SMIM14: variants seen among roughly 807,000 people sequenced by gnomAD.
SMIM14 encodes chromosome 4 open reading frame 34.
Under a neutral mutation model 12.6 loss-of-function variants are expected in SMIM14, and 5 were observed. That is an observed-to-expected ratio of 0.40 (90% CI 0.21 to 0.83). The LOEUF is 0.83. SMIM14 is among the 40% of genes least tolerant of loss of function. The pLI is 0.37. For missense variants in SMIM14, 86 were observed against 119.1 expected, an observed-to-expected ratio of 0.72 and a Z score of 1.29; for synonymous variants, 30 against 40.1, an observed-to-expected ratio of 0.75 and a Z score of 0.95.
chr4:39,604,666 A>G (rs1382671316), intron 2 of SMIM14, among the ~76,000 whole-genome samples: 3 of 151,422 alleles, frequency 2.0e-5, no homozygotes, highest in African/African-American at 7.3e-5. Flanking sequence ...GCTAGAGTGC[A>G]GTGGCATGAT....
chr4:39,602,263 G>A (rs976611671), intron 2 of SMIM14, among the ~76,000 whole-genome samples: 10 of 148,316 alleles, frequency 6.7e-5, no homozygotes, highest in Non-Finnish European at 1.0e-4. Context: ...AAAAAAAAAT[G>A]ATGATAATGG....
intron 3 of SMIM14, among the ~76,000 whole-genome samples, chr4:39,557,564 C>G (rs1448182479): frequency 6.6e-6 from 1 of 152,110 alleles, no homozygotes; most frequent in Non-Finnish European, 1.5e-5. Flanking sequence ...CCTAACTTCC[C>G]TAAGATCTAC....
chr4:39,588,038 C>T (rs560840137), intron 2 of SMIM14: 9 of 152,324 alleles, frequency 5.9e-5, no homozygotes, highest in African/African-American at 1.9e-4. Context: ...TCCAGCTACT[C>T]ACCAGCATCA....
rs1185883741 is a variant in SMIM14, at chr4:39,590,824, A to G, written c.75+14247T>C. On this transcript the variant is annotated intron_variant, in intron 2 of 4. Coordinates refer to ENST00000295958, the MANE Select transcript of SMIM14 (RefSeq NM_174921.3). ...CTCAAAAAAAAAAAAAAAAAATTCC[A>G]TAGTTATCACGGGGCATATTCCTAT... Among the ~76,000 whole-genome samples, 5 of 151,286 alleles carry G rather than the reference A, an allele frequency of 3.3e-5. 1 individual carries two copies. Among genetic ancestry groups the G allele is most frequent in the Non-Finnish European group, 7.4e-5 (5 of 67,882 alleles).
At chr4:39,598,297 G>A (rs1159023260) in intron 2 of SMIM14, among the ~76,000 whole-genome samples, 4 of 152,072 alleles carry the variant, frequency 2.6e-5, no homozygotes, top group African/African-American at 4.8e-5. Flanking sequence ...TTAGTTATTC[G>A]TGTACACAAT....
At chr4:39,564,686 G>T (rs1225523148) in intron 3 of SMIM14, among the ~76,000 whole-genome samples, 1 of 152,174 alleles carries the variant, frequency 6.6e-6, no homozygotes, top group East Asian at 1.9e-4. Context: ...TATTAAAAAT[G>T]AAATACATGA....
At chr4:39,565,690 T>C (rs551314715) in intron 3 of SMIM14, among the ~76,000 whole-genome samples, 1 of 152,246 alleles carries the variant, frequency 6.6e-6, no homozygotes, top group South Asian at 2.1e-4. Context: ...ACTCCATCTG[T>C]TGTGTTTTGA....
chr4:39,619,876 A>ATATATATATATT (rs71192884), intron 1 of SMIM14, among the ~76,000 whole-genome samples: 1 of 115,868 alleles, frequency 8.6e-6, no homozygotes, highest in African/African-American at 3.4e-5. Context: ...ATATATATAT[A>ATATATATATATT]TTTTTTTTTT....
intron 3 of SMIM14, among the ~76,000 whole-genome samples, 162 bp downstream of exon 3, chr4:39,572,253 A>G (rs1712928181): frequency 6.9e-6 from 1 of 145,248 alleles, no homozygotes; most frequent in Non-Finnish European, 1.5e-5. Context: ...CTATGAGAAT[A>G]ATTTCTTTTG....
intron 2 of SMIM14, among the ~76,000 whole-genome samples, chr4:39,588,674 C>T (rs1578336886): frequency 6.6e-6 from 1 of 151,986 alleles, no homozygotes; most frequent in East Asian, 1.9e-4. Flanking sequence ...TATCTAAAAA[C>T]ATATTTCTTA....
At chr4:39,593,606 C>A (rs1714217479) in intron 2 of SMIM14, 1 of 152,158 alleles carries the variant, frequency 6.6e-6, no homozygotes, top group Non-Finnish European at 1.5e-5. Context: ...AAGAGGAAGT[C>A]AAATTGTCCC....
chr4:39,616,363 C>T (rs571412693), intron 1 of SMIM14, among the ~76,000 whole-genome samples: 103 of 149,904 alleles, frequency 6.9e-4, no homozygotes, highest in Non-Finnish European at 1.5e-4. Context: ...CTCAAACTCC[C>T]GGCCTCTAGT....
At chr4:39,609,460 G>C (rs978092980) in intron 1 of SMIM14, among the ~76,000 whole-genome samples, 3 of 152,134 alleles carry the variant, frequency 2.0e-5, no homozygotes, top group African/African-American at 7.2e-5. Context: ...AAATACATTA[G>C]GGAGAGGTAG....
intron 3 of SMIM14, among the ~76,000 whole-genome samples, chr4:39,571,596 T>A (rs1036414901): frequency 1.3e-5 from 2 of 151,680 alleles, no homozygotes; most frequent in Non-Finnish European, 2.9e-5. Flanking sequence ...AAAATTTTTT[T>A]AAATTAAAGA....
chr4:39,637,081 C>A (rs1170971894), intron 1 of SMIM14, among the ~76,000 whole-genome samples: 1 of 152,056 alleles, frequency 6.6e-6, no homozygotes, highest in Admixed American at 6.6e-5. Flanking sequence ...TGTGAAAAAG[C>A]AGGTTATGTA....
chr4:39,565,238 T>C (rs1265517471), intron 3 of SMIM14, among the ~76,000 whole-genome samples: 1 of 152,078 alleles, frequency 6.6e-6, no homozygotes, highest in East Asian at 1.9e-4. Context: ...AAGAAAAAGA[T>C]TAAATCAAAA....
intron 2 of SMIM14, among the ~76,000 whole-genome samples, chr4:39,577,916 A>G (rs993926088): frequency 6.6e-6 from 1 of 152,298 alleles, no homozygotes; most frequent in East Asian, 1.9e-4. Context: ...TGACGGCTAC[A>G]TTCCTCATAT....
chr4:39,633,987 A>T (rs576136099), intron 1 of SMIM14, among the ~76,000 whole-genome samples: 3 of 152,302 alleles, frequency 2.0e-5, no homozygotes, highest in Middle Eastern at 3.4e-3. Flanking sequence ...GCTGGAGTGC[A>T]GTGGCACAAT....
chr4:39,579,222 A>G (rs1713366262), intron 2 of SMIM14, among the ~76,000 whole-genome samples: 1 of 151,624 alleles, frequency 6.6e-6, no homozygotes, highest in Non-Finnish European at 1.5e-5. Context: ...CAGCCTGGGC[A>G]ACATGGAAAG....
Sources: gnomAD v4.1 joint callset for allele counts (sites outside exome capture counted in the v4.1 genomes callset) on GRCh38, gnomAD v4.1.1 for gene constraint, MANE v1.5 for transcripts, NCBI Gene and HGNC (gene_info 2026-07-23, HGNC 2026-07-21) for gene names.